Variants in KCNMB4 observed in about 807,000 individuals in gnomAD.
KCNMB4 encodes the protein potassium calcium-activated channel subfamily M regulatory beta subunit 4, also known as calcium-activated potassium channel subunit beta-4.
In KCNMB4, 3 loss-of-function variants were observed where a neutral mutation model predicts 20.7. The ratio of observed to expected loss-of-function variants is 0.14; its 90% confidence interval spans 0.07 to 0.37. KCNMB4 has a LOEUF of 0.37. KCNMB4 is among the 10% of genes least tolerant of loss of function. The pLI is 1.00. For synonymous variants in KCNMB4, 110 were observed against 113.4 expected (o/e 0.97, Z 0.19); for missense variants, 168 against 265.9 (o/e 0.63, Z 2.56).
intron 1 of KCNMB4, among the ~76,000 whole-genome samples, chr12:70,368,241 A>G (rs1883530283): frequency 6.6e-6 from 1 of 152,158 alleles, no homozygotes; most frequent in Non-Finnish European, 1.5e-5. Context: ...AAAATTCTAC[A>G]TTAATATTAT....
In KCNMB4 at chr12:70,430,731, C is replaced by A; in HGVS notation, c.*78C>A. On this transcript the variant is annotated 3_prime_UTR_variant, in exon 3 of 3. Coordinates refer to ENST00000258111, the MANE Select transcript of KCNMB4 (RefSeq NM_014505.6). Reference sequence around the variant, plus strand: ...GCGTCCACCTGCGGAACCTGTGTTTCCTGGCGCAGGAGATGGACAGGGCCA... The same window carrying A: ...GCGTCCACCTGCGGAACCTGTGTTTACTGGCGCAGGAGATGGACAGGGCCA... 7.1e-7 allele frequency: 1 copy of A among 1,405,488 alleles called. No individual in the cohort carries two copies. Among genetic ancestry groups the A allele is most frequent in the African/African-American group, 1.5e-5 (1 of 67,962 alleles). The allele number at this position is 1,405,488 out of a possible 1,614,324, so 87.1% of individuals were successfully genotyped here. A position where few individuals can be genotyped will look rare whatever the true frequency, so the allele number is the denominator to read the frequency against.
intron 2 of KCNMB4, among the ~76,000 whole-genome samples, chr12:70,417,464 G>A (rs1487388558): frequency 1.3e-5 from 2 of 152,172 alleles, no homozygotes; most frequent in African/African-American, 4.8e-5. Flanking sequence ...TGCACACATT[G>A]GGGTTGGCTG....
chr12:70,416,746 T>C (rs1868923213), intron 2 of KCNMB4, among the ~76,000 whole-genome samples: 1 of 152,218 alleles, frequency 6.6e-6, no homozygotes, highest in Admixed American at 6.5e-5. Flanking sequence ...AAAAATTGAA[T>C]GTATAGTAAA....
chr12:70,428,280 C>T (rs2136144785), intron 2 of KCNMB4, among the ~76,000 whole-genome samples: 1 of 152,318 alleles, frequency 6.6e-6, no homozygotes, highest in South Asian at 2.1e-4. Flanking sequence ...AGGCATGAGC[C>T]ACTACGCCCA....
chr12:70,377,986 G>A (rs1883717414), intron 1 of KCNMB4, among the ~76,000 whole-genome samples: 1 of 145,416 alleles, frequency 6.9e-6, no homozygotes, highest in African/African-American at 2.6e-5. Flanking sequence ...GTCTTGCCCT[G>A]TTGCCCAGGC....
chr12:70,366,994 T>A lies in KCNMB4; in HGVS notation c.260T>A (p.Val87Asp). ...ACCTCGCAGTACCCCTGCGTCCAGGTCTACGTGAACAACTCTGAGTCCAAC... is the reference window on the plus strand; with the variant it reads ...ACCTCGCAGTACCCCTGCGTCCAGGACTACGTGAACAACTCTGAGTCCAAC... ...RGTSQYPCVQ[V>D]YVNNSESNSR... Residue 87 changes from valine (V) to aspartate (D), a missense_variant, in exon 1 of 3, where the codon GTC becomes GAC. By Grantham distance (152) the Val-to-Asp change is radical. Transcript: ENST00000258111. The A allele has an allele frequency of 6.2e-7, 1 of 1,604,246 alleles. No homozygotes were observed. The highest frequency in any genetic ancestry group is 8.5e-7 in the Non-Finnish European group (1 of 1,174,832).
chr12:70,388,252 A>G (rs1025708278), intron 1 of KCNMB4, among the ~76,000 whole-genome samples: 1 of 152,092 alleles, frequency 6.6e-6, no homozygotes. Context: ...GTCACTTCCA[A>G]ATCTTACCTA....
At chr12:70,420,830 G>A (rs1051852050) in intron 2 of KCNMB4, among the ~76,000 whole-genome samples, 5 of 151,990 alleles carry the variant, frequency 3.3e-5, no homozygotes, top group South Asian at 2.1e-4. Context: ...AGGCCGAGGC[G>A]GGCGGATCAT....
intron 1 of KCNMB4, among the ~76,000 whole-genome samples, chr12:70,379,214 A>G (rs1249258030): frequency 6.6e-6 from 1 of 152,182 alleles, no homozygotes; most frequent in Non-Finnish European, 1.5e-5. Context: ...CACCAGCTAC[A>G]CTAGCCTCTA....
At position 70,434,204 on chromosome 12, in the gene KCNMB4, C is replaced by T. The variant is rs570193176; in HGVS notation, c.*3551C>T. On this transcript the variant is annotated 3_prime_UTR_variant, in exon 3 of 3. Coordinates refer to ENST00000258111, the MANE Select transcript of KCNMB4 (RefSeq NM_014505.6). ...CACTCTAAGACGGATAAAAGCCAAA[C>T]CAATTAAGCCGTTTCTCGACCCTCC... 1 of 152,148 alleles carries T rather than the reference C, an allele frequency of 6.6e-6. No homozygotes were observed. The highest frequency in any genetic ancestry group is 2.4e-5 in the African/African-American group (1 of 41,432). The allele number at this position is 152,148 out of a possible 1,614,324, so 9.4% of individuals were successfully genotyped here. A position where few individuals can be genotyped will look rare whatever the true frequency, so the allele number is the denominator to read the frequency against.
At chr12:70,425,863 G>A (rs1472124271) in intron 2 of KCNMB4, among the ~76,000 whole-genome samples, 1 of 152,184 alleles carries the variant, frequency 6.6e-6, no homozygotes, top group Non-Finnish European at 1.5e-5. Flanking sequence ...TTTTAGCTGG[G>A]CGCAGTGGCT....
Position 70,395,229 on chromosome 12 carries a change from G to A in KCNMB4, c.337-4980G>A, listed in dbSNP as rs1039827512. Among the ~76,000 whole-genome samples, 9 of 152,128 alleles carry A rather than the reference G, an allele frequency of 5.9e-5. No homozygotes were observed. In the East Asian group the frequency reaches 1.7e-3, roughly 29 times the overall value. ...GCATGCATGTTTTCAGCTGTATTAT[G>A]TCTTTCAGTACTACCCTCCCTAACC... On this transcript the variant is annotated intron_variant, in intron 1 of 2. Coordinates refer to ENST00000258111, the MANE Select transcript of KCNMB4 (RefSeq NM_014505.6).
intron 1 of KCNMB4, among the ~76,000 whole-genome samples, chr12:70,377,709 C>T (rs554086462): frequency 6.6e-5 from 10 of 152,264 alleles, no homozygotes; most frequent in African/African-American, 2.2e-4. Flanking sequence ...GGAGTCAGTC[C>T]TCTCAAATCC....
intron 1 of KCNMB4, 75 bp downstream of exon 1, chr12:70,367,145 G>A (rs1162952534): frequency 3.2e-5 from 40 of 1,240,864 alleles, no homozygotes; most frequent in Non-Finnish European, 4.4e-5. Context: ...GACTCCGCGC[G>A]GGGAGGGTTC....
intron 2 of KCNMB4, among the ~76,000 whole-genome samples, chr12:70,428,776 A>G (rs929908907): frequency 1.3e-5 from 2 of 152,228 alleles, no homozygotes; most frequent in Non-Finnish European, 2.9e-5. Flanking sequence ...TACAGAAGAA[A>G]AGAATATATA....
At chr12:70,420,154 G>C (rs1869013155) in intron 2 of KCNMB4, among the ~76,000 whole-genome samples, 1 of 152,186 alleles carries the variant, frequency 6.6e-6, no homozygotes, top group African/African-American at 2.4e-5. Context: ...AACTGGGAAA[G>C]GGGATAGAAA....
At chr12:70,414,572 G>A (rs1437729275) in intron 2 of KCNMB4, among the ~76,000 whole-genome samples, 1 of 152,150 alleles carries the variant, frequency 6.6e-6, no homozygotes, top group Non-Finnish European at 1.5e-5. Flanking sequence ...CCCTGAGCTG[G>A]CCAGTGCAGA....
At chr12:70,376,581 A>G (rs1362082996) in intron 1 of KCNMB4, among the ~76,000 whole-genome samples, 5 of 151,928 alleles carry the variant, frequency 3.3e-5, no homozygotes, top group African/African-American at 4.8e-5. Context: ...TAAGAACACA[A>G]TTCTGGCTGG....
At chr12:70,427,086 C>T (rs542269237) in intron 2 of KCNMB4, among the ~76,000 whole-genome samples, 10 of 152,276 alleles carry the variant, frequency 6.6e-5, no homozygotes, top group South Asian at 2.1e-4. Flanking sequence ...TGTCAGCTCC[C>T]GTCATGCCAT....
Sources: gnomAD v4.1 joint callset for allele counts (sites outside exome capture counted in the v4.1 genomes callset) on GRCh38, gnomAD v4.1.1 for gene constraint, MANE v1.5 for transcripts, NCBI Gene and HGNC (gene_info 2026-07-23, HGNC 2026-07-21) for gene names.